The following GPR33 variants were observed in gnomAD, a reference collection of about 807,000 sequenced individuals.
The protein encoded by GPR33 is G protein-coupled receptor 33.
Under a neutral mutation model 3.1 loss-of-function variants are expected in GPR33, and 4 were observed. The observed-to-expected ratio is 1.29, with a 90% CI of 0.64 to 2.96. The LOEUF is 2.96. Ranked by LOEUF, GPR33 falls within the 30% of genes most tolerant of loss-of-function variation. The pLI is 0.01. For missense variants in GPR33, 390 were observed against 388.9 expected (o/e 1.00, Z -0.02); for synonymous variants, 138 against 142.0 (o/e 0.97, Z 0.20).
intron 1 of GPR33, among the ~76,000 whole-genome samples, chr14:31,484,892 C>T (rs1229437720): frequency 6.6e-6 from 1 of 151,806 alleles, no homozygotes; most frequent in Non-Finnish European, 1.5e-5. Flanking sequence ...TGTGAAGTAC[C>T]TTCAGAATCA....
In GPR33 at chr14:31,483,635, C is replaced by G. The variant is rs1331156640; in HGVS notation, c.331G>C (p.Gly111Arg). 2.3e-5 allele frequency: 36 copies of G among 1,535,984 alleles called. No individual in the cohort carries two copies. Among genetic ancestry groups the G allele is most frequent in the Non-Finnish European group, 3.1e-5 (35 of 1,146,914 alleles). The stretch of plus-strand genomic sequence containing the variant: ...AGGAAGAAAACAGAGGTGAACATCC[C>G]CAGAGACAAAGTGCCATTGAAGACC... ...CKVFNGTLSLGMFTSVFFLSA... is the reference protein window; with the variant it reads ...CKVFNGTLSLRMFTSVFFLSA... Residue 111 changes from glycine (G) to arginine (R), a missense_variant, in exon 2 of 2, where the codon GGG (glycine) becomes CGG (arginine). Physicochemically the swap from Gly to Arg is moderately radical, Grantham distance 125. Coordinates refer to ENST00000399285, the MANE Select transcript of GPR33 (RefSeq NM_001197184.3).
In GPR33 at chr14:31,483,902, G is replaced by T; in HGVS notation, c.64C>A (p.Gln22Lys). Residue 22 changes from glutamine to lysine, a missense_variant, in exon 2 of 2, where the codon CAG (glutamine) becomes AAG (lysine). Gln to Lys is a moderately conservative substitution (Grantham distance 53). Coordinates refer to ENST00000399285, the MANE Select transcript of GPR33 (RefSeq NM_001197184.3). ...ATTTTTGATGCAGGAGCTAGAAACT[G>T]AGTGCTGTTTCTTACTAAAGTAGAG... ...NASTLVRNSTQFLAPASKMII... is the reference protein window; with the variant it reads ...NASTLVRNSTKFLAPASKMII... 6.5e-7 allele frequency: 1 copy of T among 1,535,968 alleles called. No individual in the cohort carries two copies. The highest frequency in any genetic ancestry group is 8.7e-7 in the Non-Finnish European group (1 of 1,146,848).
intron 1 of GPR33, among the ~76,000 whole-genome samples, chr14:31,487,166 T>C (rs537125733): frequency 8.5e-5 from 13 of 152,334 alleles, no homozygotes; most frequent in African/African-American, 2.9e-4. Flanking sequence ...GGCAAAATCA[T>C]AGTAAAACTT....
intron 1 of GPR33, among the ~76,000 whole-genome samples, chr14:31,484,730 G>A (rs1021507429): frequency 6.6e-6 from 1 of 152,096 alleles, no homozygotes; most frequent in Admixed American, 6.5e-5. Context: ...AAAAATAATA[G>A]CAATGTTGCA....
intron 1 of GPR33, among the ~76,000 whole-genome samples, chr14:31,484,762 T>A (rs904813338): frequency 6.6e-6 from 1 of 152,206 alleles, no homozygotes; most frequent in Non-Finnish European, 1.5e-5. Context: ...ATGGGTTTTA[T>A]AATTAGATTT....
intron 1 of GPR33, 147 bp downstream of exon 1, chr14:31,487,750 C>G (rs2032436046): frequency 6.5e-6 from 1 of 152,744 alleles, no homozygotes; most frequent in Non-Finnish European, 1.5e-5. Context: ...AGGCGGCTTT[C>G]AGGAAGACCC....
rs1379735831 is a variant in GPR33, at chr14:31,483,813, T to C, written c.153A>G (p.Leu51=). ...GTTTCATCTTGAATCTTAGCACCCA[T>C]AGATAGAGGCCATTGGTGATGGTAC... The part of the protein sequence containing the change: ...IIGTITNGLY[L]WVLRFKMKQT... Residue 51 remains leucine, a synonymous_variant, in exon 2 of 2, where the codon CTA becomes CTG. Coordinates refer to ENST00000399285, the MANE Select transcript of GPR33 (RefSeq NM_001197184.3). 4.6e-6 allele frequency: 7 copies of C among 1,535,960 alleles called. No individual in the cohort carries two copies. The East Asian group carries it at 7.3e-5, about 16-fold the overall frequency.
chr14:31,483,917 C>T lies in GPR33; in HGVS notation c.49G>A (p.Val17Ile), dbSNP rs1432804221. The change falls in exon 2 of 2, where the codon GTA becomes ATA. Residue 17 changes from valine (V) to isoleucine (I), a missense_variant. Physicochemically the swap from Val to Ile is conservative, Grantham distance 29 (BLOSUM62 3). Transcript: ENST00000399285. ...GCTAGAAACTGAGTGCTGTTTCTTACTAAAGTAGAGGCATTGATCAGGTAA... is the reference window on the plus strand; with the variant it reads ...GCTAGAAACTGAGTGCTGTTTCTTATTAAAGTAGAGGCATTGATCAGGTAA... ...TDYLINASTL[V>I]RNSTQFLAPA... 2.6e-6 allele frequency: 4 copies of T among 1,535,756 alleles called. No homozygotes were observed. In the East Asian group the frequency reaches 9.8e-5, roughly 38 times the overall value.
At position 31,482,920 on chromosome 14, in the gene GPR33, C is replaced by T. The variant is rs1004989921; in HGVS notation, c.*44G>A. 4.9e-6 allele frequency: 7 copies of T among 1,432,538 alleles called. No homozygotes were observed. The African/African-American group carries it at 5.7e-5, about 12-fold the overall frequency. The allele number at this position is 1,432,538 out of a possible 1,614,324, so 88.7% of individuals were successfully genotyped here. ...TCCTATTGGTATAATTGACCAAGTG[C>T]GTGTTTGCTTAAGAATCTAGAATTT... On this transcript the variant is annotated 3_prime_UTR_variant, in exon 2 of 2. Transcript: ENST00000399285.
At chr14:31,485,908 G>C (rs986864829) in intron 1 of GPR33, among the ~76,000 whole-genome samples, 5 of 152,064 alleles carry the variant, frequency 3.3e-5, no homozygotes, top group African/African-American at 1.2e-4. Flanking sequence ...TTGGATAATG[G>C]ATCCCATGGT....
chr14:31,483,579 G>T lies in GPR33; in HGVS notation c.387C>A (p.Leu129=). 6.5e-7 allele frequency: 1 copy of T among 1,536,136 alleles called. No individual in the cohort carries two copies. The stretch of plus-strand genomic sequence containing the variant: ...GCTGGGACCACACTGGGTGAAGAGT[G>T]AGAAGGTAACGATCAAGACCGATGG... The part of the protein sequence containing the change: ...LSAIGLDRYL[L]TLHPVWSQQH... Residue 129 remains leucine, a synonymous_variant, in exon 2 of 2, where the codon CTC becomes CTA. Transcript: ENST00000399285.
intron 1 of GPR33, among the ~76,000 whole-genome samples, chr14:31,486,315 T>A (rs1446821003): frequency 6.6e-6 from 1 of 152,018 alleles, no homozygotes; most frequent in Non-Finnish European, 1.5e-5. Flanking sequence ...CCCAGGCTGG[T>A]CTTGAACTCC....
In GPR33 at chr14:31,483,483, G is replaced by T; in HGVS notation, c.483C>A (p.Ile161=). Residue 161 remains isoleucine, a synonymous_variant, in exon 2 of 2, where the codon ATC becomes ATA. Coordinates refer to ENST00000399285, the MANE Select transcript of GPR33 (RefSeq NM_001197184.3). The part of the protein sequence containing the change: ...GVWISAAALS[I]PYLIFRETHH... ...GTGTCTCTCTGAAAATCAAATAGGG[G>T]ATGCTGAGGGCAGCGGCTGAAATCC... is the stretch of plus-strand genomic sequence containing the variant. The T allele has an allele frequency of 6.5e-7, 1 of 1,536,162 alleles. No individual in the cohort carries two copies. Among genetic ancestry groups the T allele is most frequent in the Non-Finnish European group, 8.7e-7 (1 of 1,146,914 alleles).
intron 1 of GPR33, 46 bp from the exon 2 acceptor site, chr14:31,484,017 G>T (rs1217342071): frequency 7.1e-7 from 1 of 1,400,708 alleles, no homozygotes; most frequent in Non-Finnish European, 9.4e-7. Context: ...AAAAGCAAAA[G>T]AAAAGGTTAA....
chr14:31,487,443 T>TTTTG (rs2032432216), intron 1 of GPR33, among the ~76,000 whole-genome samples: 1 of 134,552 alleles, frequency 7.4e-6, no homozygotes, highest in African/African-American at 2.9e-5. Flanking sequence ...TTTTTTTTTT[T>TTTTG]TTTTTTTTTT....
In GPR33 at chr14:31,483,224, T is replaced by G. The variant is rs2032380169; in HGVS notation, c.742A>C (p.Met248Leu). ...FKSSKPFKVM[M>L]TAIISFFVCW... ...ACAAAGAAAGAGATAATGGCAGTCA[T>G]CATAACTTTGAAGGGCTTGCTGGAT... The change falls in exon 2 of 2, where the codon ATG becomes CTG. Residue 248 changes from methionine (M) to leucine (L), a missense_variant. Met to Leu is a conservative substitution (Grantham distance 15, BLOSUM62 2). Coordinates refer to ENST00000399285, the MANE Select transcript of GPR33 (RefSeq NM_001197184.3). 1 of 1,535,970 alleles carries G rather than the reference T, an allele frequency of 6.5e-7. No homozygotes were observed. Among genetic ancestry groups the G allele is most frequent in the African/African-American group, 1.4e-5 (1 of 73,028 alleles).
At chr14:31,485,604 A>T (rs994241900) in intron 1 of GPR33, among the ~76,000 whole-genome samples, 2 of 149,930 alleles carry the variant, frequency 1.3e-5, no homozygotes, top group African/African-American at 2.5e-5. Context: ...GTGCCCCTGC[A>T]TTCCAGCCTG....
In GPR33 at chr14:31,483,719, A is replaced by G. The variant is rs111491887; in HGVS notation, c.247T>C (p.Phe83Leu). ...TCTTGAAGTTGGGAGGTGGCCATAA[A>G]TGGCAGAATCATTGTTGAAATAAAA... ...SYFISTMILP[F>L]MATSQLQDNH... The change falls in exon 2 of 2, where the codon TTT becomes CTT. Residue 83 changes from phenylalanine (F) to leucine (L), a missense_variant. Phe to Leu is a conservative substitution (Grantham distance 22). Transcript: ENST00000399285. 2,375 of 1,536,160 alleles carry G rather than the reference A, an allele frequency of 1.5e-3. 28 individuals carry two copies. In the African/African-American group the frequency reaches 0.029, roughly 19 times the overall value.
intron 1 of GPR33, among the ~76,000 whole-genome samples, chr14:31,484,410 A>T (rs2032396335): frequency 1.3e-5 from 2 of 151,962 alleles, no homozygotes; most frequent in South Asian, 4.1e-4. Flanking sequence ...CCTCCCAAGG[A>T]GTTGGGACTA....
Sources: allele counts gnomAD v4.1 joint callset (sites outside exome capture counted in the v4.1 genomes callset), GRCh38; gene constraint gnomAD v4.1.1; transcripts MANE v1.5; gene names NCBI Gene and HGNC (gene_info 2026-07-23, HGNC 2026-07-21).